PIK3C2G: variants seen among roughly 807,000 people sequenced by gnomAD.
The protein encoded by PIK3C2G is phosphatidylinositol 3-kinase C2 domain-containing subunit gamma.
A neutral mutation model predicts 181.1 loss-of-function variants in PIK3C2G; 168 were observed. The observed-to-expected ratio is 0.93, with a 90% CI of 0.82 to 1.05. PIK3C2G has a LOEUF of 1.05. Ranked by LOEUF, PIK3C2G falls within the 50% of genes least tolerant of loss-of-function variation. The pLI is 0.00. For missense variants in PIK3C2G, 1,869 were observed against 1,732.8 expected (o/e 1.08, Z -1.40); for synonymous variants, 573 against 592.2 (o/e 0.97, Z 0.47).
intron 31 of PIK3C2G, among the ~76,000 whole-genome samples, chr12:18,618,042 G>A (rs964173902): frequency 6.6e-6 from 1 of 151,916 alleles, no homozygotes; most frequent in Non-Finnish European, 1.5e-5. Context: ...TAAACAAAAG[G>A]AGGCAAATTG....
chr12:18,594,637 CTAAT>C (rs1300679710), intron 30 of PIK3C2G, 68 bp downstream of exon 30: 7 of 818,322 alleles, frequency 8.6e-6, no homozygotes, highest in Non-Finnish European at 1.1e-5. Context: ...GATATCACAA[CTAAT>C]TTTTTTCAAT....
intron 1 of PIK3C2G, among the ~76,000 whole-genome samples, chr12:18,250,954 T>C (rs1948090064): frequency 6.6e-6 from 1 of 151,956 alleles, no homozygotes; most frequent in African/African-American, 2.4e-5. Context: ...GATCTTCTAG[T>C]GATTATTTAA....
At chr12:18,522,192 G>A (rs1396205120) in intron 24 of PIK3C2G, among the ~76,000 whole-genome samples, 2 of 152,158 alleles carry the variant, frequency 1.3e-5, no homozygotes, top group East Asian at 3.9e-4. Context: ...GGCCATCTTG[G>A]CCCTGCCCCT....
chr12:18,690,977 C>A, the PIK3C2G span, among the ~76,000 whole-genome samples: 1 of 152,130 alleles, frequency 6.6e-6, no homozygotes, highest in East Asian at 1.9e-4. Context: ...GTAGCAAAAT[C>A]TCTCCGGTCA....
At chr12:18,351,264 G>A (rs1940190221) in intron 11 of PIK3C2G, among the ~76,000 whole-genome samples, 1 of 151,902 alleles carries the variant, frequency 6.6e-6, no homozygotes, top group African/African-American at 2.4e-5. Context: ...TATGGTCAAA[G>A]CTATTCTTAA....
chr12:18,569,341 G>A (rs571894546), intron 29 of PIK3C2G, among the ~76,000 whole-genome samples: 1 of 152,040 alleles, frequency 6.6e-6, no homozygotes, highest in South Asian at 2.1e-4. Context: ...AATGATCACA[G>A]TTTCATCAGA....
intron 1 of PIK3C2G, among the ~76,000 whole-genome samples, chr12:18,280,262 A>G (rs1949154568): frequency 6.6e-6 from 1 of 152,044 alleles, no homozygotes; most frequent in African/African-American, 2.4e-5. Context: ...AGAAAAACCA[A>G]TAACAAATAT....
intron 5 of PIK3C2G, among the ~76,000 whole-genome samples, chr12:18,303,100 C>CTCTTCCTTCTTTCTT (rs1555153496): frequency 2.9e-4 from 22 of 75,062 alleles, no homozygotes; most frequent in Admixed American, 2.3e-3. Context: ...TCTTTTCTTT[C>CTCTTCCTTCTTTCTT]TCTTTCTTTC....
chr12:18,265,490 A>G (rs571154075), intron 1 of PIK3C2G, among the ~76,000 whole-genome samples: 3 of 152,152 alleles, frequency 2.0e-5, no homozygotes, highest in Non-Finnish European at 4.4e-5. Context: ...ATCTTAAAAC[A>G]CACACTTTTA....
At chr12:18,561,371 C>T (rs930064486) in intron 26 of PIK3C2G, among the ~76,000 whole-genome samples, 1 of 152,104 alleles carries the variant, frequency 6.6e-6, no homozygotes, top group African/African-American at 2.4e-5. Context: ...CCTAGCTACT[C>T]AGGAAGCTGA....
At chr12:18,504,683 G>A (rs1294924628) in intron 23 of PIK3C2G, among the ~76,000 whole-genome samples, 1 of 152,164 alleles carries the variant, frequency 6.6e-6, no homozygotes, top group Non-Finnish European at 1.5e-5. Context: ...AGAAACATCT[G>A]CTCATTAGAG....
intron 14 of PIK3C2G, among the ~76,000 whole-genome samples, chr12:18,383,152 A>G (rs1484777689): frequency 6.6e-6 from 1 of 152,248 alleles, no homozygotes; most frequent in Non-Finnish European, 1.5e-5. Context: ...CCCGGTAAAC[A>G]TATTCTACTA....
chr12:18,303,139 T>TTTCTTTCTTTCTTTTCTTTC (rs71302109), intron 5 of PIK3C2G, among the ~76,000 whole-genome samples: 2 of 128,660 alleles, frequency 1.6e-5, no homozygotes, highest in Non-Finnish European at 3.3e-5. Flanking sequence ...TCTTTCTTTC[T>TTTCTTTCTTTCTTTTCTTTC]TTTCTTTTCT....
chr12:18,450,856 T>C (rs1947306796), intron 18 of PIK3C2G, among the ~76,000 whole-genome samples: 2 of 152,186 alleles, frequency 1.3e-5, no homozygotes, highest in Admixed American at 6.5e-5. Context: ...TTGCTTGTTT[T>C]TGTCAGGTTT....
intron 31 of PIK3C2G, among the ~76,000 whole-genome samples, chr12:18,636,865 G>C (rs1949625597): frequency 6.6e-6 from 1 of 152,112 alleles, no homozygotes; most frequent in South Asian, 2.1e-4. Flanking sequence ...AATACTAGTG[G>C]CTCCCACTTC....
At chr12:18,513,335 C>A (rs1463880160) in intron 24 of PIK3C2G, among the ~76,000 whole-genome samples, 1 of 149,702 alleles carries the variant, frequency 6.7e-6, no homozygotes, top group Non-Finnish European at 1.5e-5. Context: ...AGAATTTCTT[C>A]TATTTCATTT....
chr12:18,262,631 A>G (rs1179298067), intron 1 of PIK3C2G, among the ~76,000 whole-genome samples: 1 of 151,210 alleles, frequency 6.6e-6, no homozygotes, highest in Non-Finnish European at 1.5e-5. Flanking sequence ...AAAAAAAAAG[A>G]CAACTTCTAC....
intron 19 of PIK3C2G, among the ~76,000 whole-genome samples, chr12:18,489,602 G>GCT (rs1940369670): frequency 6.6e-6 from 1 of 152,014 alleles, no homozygotes; most frequent in African/African-American, 2.4e-5. Flanking sequence ...TTAAATGGGA[G>GCT]ATATATAGAC....
chr12:18,251,487 A>G (rs1948094951), intron 1 of PIK3C2G, among the ~76,000 whole-genome samples: 1 of 152,032 alleles, frequency 6.6e-6, no homozygotes, highest in African/African-American at 2.4e-5. Flanking sequence ...TATATTTGAA[A>G]TTCATCATGT....
Sources: allele counts gnomAD v4.1 joint callset (sites outside exome capture counted in the v4.1 genomes callset), GRCh38; gene constraint gnomAD v4.1.1; transcripts MANE v1.5; gene names NCBI Gene and HGNC (gene_info 2026-07-23, HGNC 2026-07-21).